MBOAT2: variants seen among roughly 807,000 people sequenced by gnomAD.
MBOAT2 encodes the protein membrane-bound glycerophospholipid O-acyltransferase 2.
Under a neutral mutation model 63.4 loss-of-function variants are expected in MBOAT2, and 28 were observed. The ratio of observed to expected loss-of-function variants is 0.44; its 90% confidence interval spans 0.33 to 0.61. The LOEUF (loss-of-function observed/expected upper bound fraction) is 0.61. Ranked by LOEUF, MBOAT2 falls within the 20% of genes least tolerant of loss-of-function variation. MBOAT2 has a pLI of 0.03. For synonymous variants in MBOAT2, 211 were observed against 215.6 expected (o/e 0.98, Z 0.19); for missense variants, 470 against 605.8 (o/e 0.78, Z 2.35).
At chr2:8,884,504 C>T (rs1023172647) in intron 5 of MBOAT2, among the ~76,000 whole-genome samples, 1 of 147,208 alleles carries the variant, frequency 6.8e-6, no homozygotes, top group Non-Finnish European at 1.5e-5. Flanking sequence ...AAAAAAAGAG[C>T]CATCTTTAGA....
intron 3 of MBOAT2, among the ~76,000 whole-genome samples, chr2:8,932,873 C>T (rs1000030721): frequency 3.3e-5 from 5 of 152,148 alleles, no homozygotes; most frequent in African/African-American, 1.2e-4. Context: ...ACAGTGACTA[C>T]AGAACGTGCA....
At chr2:8,928,576 A>G (rs1016296151) in intron 3 of MBOAT2, among the ~76,000 whole-genome samples, 1 of 152,222 alleles carries the variant, frequency 6.6e-6, no homozygotes, top group African/African-American at 2.4e-5. Context: ...CCATTGATAT[A>G]TACCATATTA....
At chr2:8,965,872 C>A (rs1669943783) in intron 1 of MBOAT2, among the ~76,000 whole-genome samples, 1 of 152,076 alleles carries the variant, frequency 6.6e-6, no homozygotes, top group Non-Finnish European at 1.5e-5. Flanking sequence ...CAAAAATTAA[C>A]CTATAATAAT....
At chr2:8,985,084 GA>G (rs150241501) in intron 1 of MBOAT2, among the ~76,000 whole-genome samples, 7,711 of 148,380 alleles carry the variant, frequency 0.052, 189 homozygotes, top group Middle Eastern at 0.059. Flanking sequence ...TTCCTCAGGG[GA>G]AAAAAAAAAC....
chr2:8,987,766 G>A lies in MBOAT2; in HGVS notation c.75+15774C>T, dbSNP rs375743036. Among the ~76,000 whole-genome samples the A allele has an allele frequency of 5.9e-4, 90 of 152,148 alleles. 2 individuals are homozygous for A. In the South Asian group the frequency reaches 0.016, roughly 27 times the overall value. On this transcript the variant is annotated intron_variant, in intron 1 of 12. Coordinates refer to ENST00000305997, the MANE Select transcript of MBOAT2 (RefSeq NM_138799.4). ...GGATTCCTCACAACGTGGTGGCTGCGTTACAAAAATTTTATGTTCAGTATG... is the reference window on the plus strand; with the variant it reads ...GGATTCCTCACAACGTGGTGGCTGCATTACAAAAATTTTATGTTCAGTATG...
intron 3 of MBOAT2, among the ~76,000 whole-genome samples, chr2:8,933,048 C>A (rs370461317): frequency 3.9e-5 from 6 of 152,140 alleles, no homozygotes; most frequent in African/African-American, 1.4e-4. Flanking sequence ...ACATGAACCA[C>A]AATTTTTATA....
intron 3 of MBOAT2, among the ~76,000 whole-genome samples, chr2:8,939,827 T>C (rs977431828): frequency 6.6e-6 from 1 of 152,188 alleles, no homozygotes; most frequent in African/African-American, 2.4e-5. Context: ...TCACTTGAAC[T>C]TTCTCATCCC....
chr2:8,936,896 A>C (rs953198711), intron 3 of MBOAT2, among the ~76,000 whole-genome samples: 1 of 152,204 alleles, frequency 6.6e-6, no homozygotes, highest in Non-Finnish European at 1.5e-5. Flanking sequence ...TAACTTCTCA[A>C]GGTTAACAGG....
At chr2:8,963,237 C>T (rs904598258) in intron 1 of MBOAT2, among the ~76,000 whole-genome samples, 2 of 93,548 alleles carry the variant, frequency 2.1e-5, no homozygotes, top group African/African-American at 4.2e-5. Flanking sequence ...GAGCCTGTCT[C>T]AAAAAAAAAA....
chr2:8,855,899 A>C lies in MBOAT2; in HGVS notation c.*2780T>G, dbSNP rs1297832557. 6.6e-6 allele frequency: 1 copy of C among 152,166 alleles called. No homozygotes were observed. Among genetic ancestry groups the C allele is most frequent in the African/African-American group, 2.4e-5 (1 of 41,430 alleles). The allele number at this position is 152,166 out of a possible 1,614,324, so 9.4% of individuals were successfully genotyped here. ...AATATAAAACATAAATATGCATTGA[A>C]TCTTATTCTATTGATTAAAAAAAAG... On this transcript the variant is annotated 3_prime_UTR_variant, in exon 13 of 13. Transcript: ENST00000305997.
At chr2:8,898,776 G>C (rs1459585564) in intron 4 of MBOAT2, among the ~76,000 whole-genome samples, 1 of 152,250 alleles carries the variant, frequency 6.6e-6, no homozygotes, top group Non-Finnish European at 1.5e-5. Context: ...GGGAGTCAGA[G>C]TGCAGGGGAA....
rs1393567651 is a variant in MBOAT2 at position 8,858,693 on chromosome 2, A to C, written c.1549T>G (p.Ser517Ala). ...AGCCTTCCCGATCACTGCTTTAGTG[A>C]TGAATGTCTCGAGGCTATTTCTTGA... Reference protein sequence around the residue: ...QNQEIASRHSSLKQ With the variant: ...QNQEIASRHSALKQ The change falls in exon 13 of 13, where the codon TCA becomes GCA. Residue 517 changes from serine (S) to alanine (A), a missense_variant. By Grantham distance (99) the Ser-to-Ala change is moderately conservative (BLOSUM62 1). Coordinates refer to ENST00000305997, the MANE Select transcript of MBOAT2 (RefSeq NM_138799.4). 6.2e-7 allele frequency: 1 copy of C among 1,611,482 alleles called. No individual in the cohort carries two copies. Among genetic ancestry groups the C allele is most frequent in the Admixed American group, 1.7e-5 (1 of 59,902 alleles).
Position 8,971,375 on chromosome 2 carries a change from TAA to T in MBOAT2, c.76-12735_76-12734del, listed in dbSNP as rs573611040. Among the ~76,000 whole-genome samples the T allele has an allele frequency of 9.7e-3, 1,474 of 152,244 alleles. 22 individuals are homozygous for T. The highest frequency in any genetic ancestry group is 0.033 in the African/African-American group (1,362 of 41,540). On this transcript the variant is annotated intron_variant, in intron 1 of 12. Transcript: ENST00000305997. Reference sequence around the variant, plus strand: ...ACTGATGGGACGTATCTCAAAATAATAAGAGCTATTTATGACAAACCCACAGC... The same window carrying T: ...ACTGATGGGACGTATCTCAAAATAATGAGCTATTTATGACAAACCCACAGC...
intron 1 of MBOAT2, among the ~76,000 whole-genome samples, chr2:8,977,796 C>T (rs1285453147): frequency 2.0e-5 from 3 of 152,110 alleles, no homozygotes; most frequent in East Asian, 1.9e-4. Context: ...ACCAACTTCT[C>T]CTCCAAGTTG....
At position 8,854,322 on chromosome 2, in the gene MBOAT2, A is replaced by G. The variant is rs1480566575; in HGVS notation, c.*4357T>C. 6.6e-6 allele frequency: 1 copy of G among 152,252 alleles called. No individual in the cohort carries two copies. The highest frequency in any genetic ancestry group is 2.4e-5 in the African/African-American group (1 of 41,472). 9.4% of individuals were successfully genotyped at this position (152,252 alleles called of 1,614,324 possible). A position where few individuals can be genotyped will look rare whatever the true frequency, so the allele number is the denominator to read the frequency against. On this transcript the variant is annotated 3_prime_UTR_variant, in exon 13 of 13. Coordinates refer to ENST00000305997, the MANE Select transcript of MBOAT2 (RefSeq NM_138799.4). ...AACAGAAATTTCAGCATCTAAGATG[A>G]GTGTATCAACGACCAGCCACTCATT... is the stretch of plus-strand genomic sequence containing the variant.
In MBOAT2 at chr2:8,860,720, C is replaced by A; in HGVS notation, c.1230G>T (p.Leu410=). 1 of 1,603,838 alleles carries A rather than the reference C, an allele frequency of 6.2e-7. No individual in the cohort carries two copies. Among genetic ancestry groups the A allele is most frequent in the Non-Finnish European group, 8.5e-7 (1 of 1,171,808 alleles). Residue 410 remains leucine, a synonymous_variant, in exon 12 of 13, where the codon CTG becomes CTT. Transcript: ENST00000305997. ...ATGTTATAACATCATAAAATAATTT[C>A]AGTTGGGAAGGTTCAATGAAATAAT... ...FRHYFIEPSQ[L]KLFYDVITWI...
At chr2:8,886,964 A>G (rs1663602697) in intron 5 of MBOAT2, among the ~76,000 whole-genome samples, 1 of 152,212 alleles carries the variant, frequency 6.6e-6, no homozygotes, top group Non-Finnish European at 1.5e-5. Flanking sequence ...ATTGATCACA[A>G]TGCAAGAACT....
intron 1 of MBOAT2, among the ~76,000 whole-genome samples, chr2:8,961,788 G>T (rs184760494): frequency 6.6e-6 from 1 of 152,274 alleles, no homozygotes; most frequent in Admixed American, 6.5e-5. Context: ...CCCGCAGGGG[G>T]CATAATTGAC....
At chr2:9,001,314 T>C (rs776534127) in intron 1 of MBOAT2, among the ~76,000 whole-genome samples, 3 of 152,194 alleles carry the variant, frequency 2.0e-5, no homozygotes, top group Non-Finnish European at 2.9e-5. Context: ...TTGTGTAGTA[T>C]ACACAATGTG....
Sources: allele counts gnomAD v4.1 joint callset (sites outside exome capture counted in the v4.1 genomes callset), GRCh38; gene constraint gnomAD v4.1.1; transcripts MANE v1.5; gene names NCBI Gene and HGNC (gene_info 2026-07-23, HGNC 2026-07-21).